Variants in TINAG observed in about 807,000 individuals in gnomAD.
The protein encoded by TINAG is tubulointerstitial nephritis antigen.
A neutral mutation model predicts 72.7 loss-of-function variants in TINAG; 83 were observed. The observed-to-expected ratio is 1.14, with a 90% CI of 0.96 to 1.37. The LOEUF (loss-of-function observed/expected upper bound fraction) is 1.37. TINAG is among the 40% of genes most tolerant of loss of function. The pLI is 0.00. For synonymous variants in TINAG, 234 were observed against 189.9 expected (o/e 1.23, Z -1.91); for missense variants, 685 against 576.6 (o/e 1.19, Z -1.93).
In TINAG at chr6:54,308,615, A is replaced by G. The variant is rs2297980; in HGVS notation, c.65A>G (p.Gln22Arg). The G allele has an allele frequency of 0.095, 152,591 of 1,613,450 alleles. 7,801 individuals are homozygous for G. Among genetic ancestry groups the G allele is most frequent in the Non-Finnish European group, 0.1 (121,642 of 1,179,568 alleles). Residue 22 changes from glutamine (Q) to arginine (R), a missense_variant, in exon 1 of 11, where the codon CAG (glutamine) becomes CGG (arginine). By Grantham distance (43) the Gln-to-Arg change is conservative. Coordinates refer to ENST00000259782, the MANE Select transcript of TINAG (RefSeq NM_014464.4). ...ACTACAGAAATCTGGATGGAGAAGC[A>G]GTATTTATCTCAAAGAGAAGTGGAC... ...YLTTEIWMEK[Q>R]YLSQREVDLE...
chr6:54,344,028 C>T (rs1008475157), intron 5 of TINAG, among the ~76,000 whole-genome samples: 1 of 152,064 alleles, frequency 6.6e-6, no homozygotes, highest in Non-Finnish European at 1.5e-5. Context: ...CAAAATTGTC[C>T]TCAAAGGAGT....
chr6:54,363,411 G>A (rs1763299711), intron 9 of TINAG, among the ~76,000 whole-genome samples: 1 of 151,414 alleles, frequency 6.6e-6, no homozygotes, highest in African/African-American at 2.4e-5. Flanking sequence ...AGAGTTGGGA[G>A]ATATGAGTGG....
intron 4 of TINAG, among the ~76,000 whole-genome samples, chr6:54,342,248 A>G (rs2150953772): frequency 6.6e-6 from 1 of 152,272 alleles, no homozygotes. Flanking sequence ...CAAGTTTACA[A>G]TTTAGTTGGC....
At chr6:54,344,696 G>T (rs1785079494) in intron 5 of TINAG, among the ~76,000 whole-genome samples, 1 of 152,150 alleles carries the variant, frequency 6.6e-6, no homozygotes. Context: ...ATATTTTGGT[G>T]TTCCCAGGTC....
At chr6:54,337,797 T>C (rs1178994249) in intron 4 of TINAG, among the ~76,000 whole-genome samples, 1 of 152,154 alleles carries the variant, frequency 6.6e-6, no homozygotes, top group Non-Finnish European at 1.5e-5. Context: ...ATCAGGCTTC[T>C]GGAATACAGG....
At chr6:54,387,873 T>C (rs1247105676) in intron 10 of TINAG, among the ~76,000 whole-genome samples, 2 of 152,038 alleles carry the variant, frequency 1.3e-5, no homozygotes, top group Non-Finnish European at 2.9e-5. Context: ...AGAATAAGAT[T>C]AATAAACAAA....
At chr6:54,338,753 A>G (rs1784929845) in intron 4 of TINAG, among the ~76,000 whole-genome samples, 1 of 149,472 alleles carries the variant, frequency 6.7e-6, no homozygotes, top group Admixed American at 6.7e-5. Flanking sequence ...AGACTAGTTC[A>G]TTGATCTGCT....
At chr6:54,338,930 GT>G (rs1425509174) in intron 4 of TINAG, among the ~76,000 whole-genome samples, 1 of 151,954 alleles carries the variant, frequency 6.6e-6, no homozygotes, top group African/African-American at 2.4e-5. Flanking sequence ...CAAAACCGGT[GT>G]TTCTCAGAAC....
At chr6:54,354,291 T>C (rs545870467) in intron 8 of TINAG, among the ~76,000 whole-genome samples, 87 of 152,016 alleles carry the variant, frequency 5.7e-4, no homozygotes, top group Non-Finnish European at 1.1e-3. Flanking sequence ...AAAAGCATAA[T>C]GTGTACTTAA....
At chr6:54,379,413 C>A (rs1311361977) in intron 9 of TINAG, among the ~76,000 whole-genome samples, 2 of 152,032 alleles carry the variant, frequency 1.3e-5, no homozygotes, top group Non-Finnish European at 2.9e-5. Context: ...AAATCGTGTA[C>A]GTTTAGGTTT....
At chr6:54,334,504 A>C (rs190425011) in intron 4 of TINAG, among the ~76,000 whole-genome samples, 1 of 152,340 alleles carries the variant, frequency 6.6e-6, no homozygotes, top group East Asian at 1.9e-4. Context: ...GTTGTGTATT[A>C]AAGCACTTAC....
At chr6:54,326,951 A>G (rs1784617874) in intron 4 of TINAG, 35 bp downstream of exon 4, 2 of 1,612,668 alleles carry the variant, frequency 1.2e-6, no homozygotes, top group East Asian at 4.5e-5. Flanking sequence ...ATGTGCATGT[A>G]TTTGTAAAAG....
chr6:54,344,149 A>G (rs923271244), intron 5 of TINAG, among the ~76,000 whole-genome samples: 6 of 152,162 alleles, frequency 3.9e-5, no homozygotes, highest in African/African-American at 1.4e-4. Context: ...ACAGTGTTCA[A>G]AGACAGTTTA....
At chr6:54,379,641 T>C (rs1171943068) in intron 9 of TINAG, among the ~76,000 whole-genome samples, 1 of 152,094 alleles carries the variant, frequency 6.6e-6, no homozygotes, top group East Asian at 1.9e-4. Flanking sequence ...GTTTATGCCA[T>C]TTAAGGTAGA....
At chr6:54,379,828 C>T (rs1347202620) in intron 9 of TINAG, among the ~76,000 whole-genome samples, 3 of 151,466 alleles carry the variant, frequency 2.0e-5, no homozygotes, top group Non-Finnish European at 2.9e-5. Flanking sequence ...ATGTGTAGAA[C>T]GTGCAGGTTT....
At chr6:54,388,898 A>C (rs779724589) in intron 10 of TINAG, among the ~76,000 whole-genome samples, 3 of 152,096 alleles carry the variant, frequency 2.0e-5, no homozygotes, top group Non-Finnish European at 2.9e-5. Context: ...CAATTGAATT[A>C]TTACAGGAGT....
intron 4 of TINAG, among the ~76,000 whole-genome samples, chr6:54,335,261 C>T (rs1784832940): frequency 6.6e-6 from 1 of 152,198 alleles, no homozygotes; most frequent in East Asian, 1.9e-4. Context: ...AAATCATTTA[C>T]TGGCTCCTGG....
In TINAG at chr6:54,340,529, C is replaced by T. The variant is rs150516252; in HGVS notation, c.625-2697C>T. ...AAACAATTTACTTTACAGAGGAATA[C>T]AGTAATTGTGAAATAATGAAATATA... On this transcript the variant is annotated intron_variant, in intron 4 of 10. Coordinates refer to ENST00000259782, the MANE Select transcript of TINAG (RefSeq NM_014464.4). 9.3e-3 allele frequency among the ~76,000 whole-genome samples: 1,416 copies of T among 152,086 alleles called. 20 individuals are homozygous for T. The highest frequency in any genetic ancestry group is 0.032 in the African/African-American group (1,347 of 41,508).
At chr6:54,379,042 C>T (rs185047917) in intron 9 of TINAG, among the ~76,000 whole-genome samples, 2 of 152,090 alleles carry the variant, frequency 1.3e-5, no homozygotes, top group African/African-American at 4.8e-5. Context: ...TGCAAACTCA[C>T]CAGGTTGGAA....
Sources: gnomAD v4.1 joint callset for allele counts (sites outside exome capture counted in the v4.1 genomes callset) on GRCh38, gnomAD v4.1.1 for gene constraint, MANE v1.5 for transcripts, NCBI Gene and HGNC (gene_info 2026-07-23, HGNC 2026-07-21) for gene names.